The following ZNF655 variants were observed in gnomAD, a reference collection of about 807,000 sequenced individuals.
ZNF655 encodes Vav-interacting Kruppel-like protein 1.
Under a neutral mutation model 6.6 loss-of-function variants are expected in ZNF655, and 3 were observed. The ratio of observed to expected loss-of-function variants is 0.46; its 90% CI spans 0.21 to 1.18. The LOEUF (loss-of-function observed/expected upper bound fraction) is 1.18, where lower values mean the gene tolerates loss of function less well. Among genes scored for constraint, ZNF655 ranks in the 50% most tolerant of loss-of-function variants. ZNF655 has a pLI of 0.24. For synonymous variants in ZNF655, 178 were observed against 195.0 expected (o/e 0.91, Z 0.73); for missense variants, 526 against 572.3 (o/e 0.92, Z 0.83).
chr7:99,560,726 G>A (rs1188065278), intron 2 of ZNF655, 31 bp downstream of exon 2: 1 of 1,609,672 alleles, frequency 6.2e-7, no homozygotes, highest in Non-Finnish European at 8.5e-7. Flanking sequence ...CCGTCTGGGA[G>A]AGTGGGAGTG....
intron 2 of ZNF655, chr7:99,564,542 T>A: frequency 1.0e-6 from 1 of 985,732 alleles, no homozygotes; most frequent in Non-Finnish European, 1.2e-6. Flanking sequence ...TGTTCCTTAC[T>A]CTGTCCTTGA....
At chr7:99,568,640 T>C (rs1056382531) in intron 2 of ZNF655, among the ~76,000 whole-genome samples, 2 of 152,146 alleles carry the variant, frequency 1.3e-5, no homozygotes, top group Admixed American at 1.3e-4. Flanking sequence ...TAATTTTTTG[T>C]AGAGATGGAG....
intron 1 of ZNF655, among the ~76,000 whole-genome samples, 186 bp from the exon 2 acceptor site, chr7:99,560,347 G>A (rs1022511127): frequency 6.6e-6 from 1 of 152,066 alleles, no homozygotes; most frequent in African/African-American, 2.4e-5. Flanking sequence ...GCCTCCCAAA[G>A]TGCTGGGATT....
chr7:99,571,183 T>C, intron 2 of ZNF655: 1 of 1,215,862 alleles, frequency 8.2e-7, no homozygotes, highest in Non-Finnish European at 1.1e-6. Context: ...TGTTTTCTTA[T>C]GTGTACTGAA....
chr7:99,568,775 C>G (rs911523232), intron 2 of ZNF655, among the ~76,000 whole-genome samples: 1 of 150,164 alleles, frequency 6.7e-6, no homozygotes, highest in Non-Finnish European at 1.5e-5. Context: ...CCTCTTGATT[C>G]GTTTGTTGGT....
rs1345505311 is a variant in ZNF655 at position 99,575,560 on chromosome 7, CAAAA to C, written c.*1979_*1982del. 7 of 145,008 alleles carry C rather than the reference CAAAA, an allele frequency of 4.8e-5. No homozygotes were observed. Among genetic ancestry groups the C allele is most frequent in the Non-Finnish European group, 7.5e-5 (5 of 67,008 alleles). The allele number at this position is 145,008 out of a possible 1,614,324, so 9.0% of individuals were successfully genotyped here. A position where few individuals can be genotyped will look rare whatever the true frequency, so the allele number is the denominator to read the frequency against. ...TCAAAAAAACACAAAAAAACAAAAA[CAAAA>C]AACCATACACACACACACACACACA... On this transcript the variant is annotated 3_prime_UTR_variant, in exon 3 of 3. Coordinates refer to ENST00000252713, the MANE Select transcript of ZNF655 (RefSeq NM_138494.3).
chr7:99,559,621 T>C (rs770859855), intron 1 of ZNF655, among the ~76,000 whole-genome samples: 1 of 152,066 alleles, frequency 6.6e-6, no homozygotes, highest in Non-Finnish European at 1.5e-5. Flanking sequence ...GATTGTAAAT[T>C]TTAAATATTT....
chr7:99,562,445 C>T, intron 2 of ZNF655: 1 of 1,614,102 alleles, frequency 6.2e-7, no homozygotes, highest in Non-Finnish European at 8.5e-7. Flanking sequence ...TTCAGAGGGA[C>T]CTCTACAGAG....
rs1804362234 is a variant in ZNF655 at position 99,575,771 on chromosome 7, T to G, written c.*2187T>G. On this transcript the variant is annotated 3_prime_UTR_variant, in exon 3 of 3. Transcript: ENST00000252713. ...CATCAATCCAGGACAGTATTTGAAG[T>G]GTGAGGGCTTTGTGTATAGTTGTTT... 1 of 152,162 alleles carries G rather than the reference T, an allele frequency of 6.6e-6. No individual in the cohort carries two copies. The highest frequency in any genetic ancestry group is 1.5e-5 in the Non-Finnish European group (1 of 68,026). 9.4% of individuals were successfully genotyped at this position (152,162 alleles called of 1,614,324 possible).
intron 2 of ZNF655, among the ~76,000 whole-genome samples, chr7:99,565,515 T>C (rs1334010400): frequency 6.6e-6 from 1 of 152,218 alleles, no homozygotes; most frequent in Non-Finnish European, 1.5e-5. Flanking sequence ...GTCCTTTGCT[T>C]AAGTGCTTCC....
chr7:99,560,505 A>G lies in ZNF655; in HGVS notation c.-27-28A>G, dbSNP rs532571315. On this transcript the variant is annotated intron_variant, in intron 1 of 2. Transcript: ENST00000252713. ...ATGATGAAATGCTTTAACTTATTAC[A>G]GTAATTTCTCTTAATCTTACCTTGC... 2.5e-5 allele frequency: 40 copies of G among 1,584,550 alleles called. No individual in the cohort carries two copies. The African/African-American group carries it at 4.2e-4, about 17-fold the overall frequency.
chr7:99,564,136 C>A (rs977075606), intron 2 of ZNF655: 3 of 1,498,892 alleles, frequency 2.0e-6, no homozygotes, highest in South Asian at 2.8e-5. Flanking sequence ...CTCAAATTAC[C>A]TCTGTTTAAT....
intron 2 of ZNF655, chr7:99,570,828 C>T (rs1201757239): frequency 1.3e-5 from 2 of 152,962 alleles, no homozygotes; most frequent in South Asian, 4.1e-4. Flanking sequence ...CTGGGCTGGA[C>T]ACATTTAAAA....
intron 2 of ZNF655, chr7:99,563,780 G>T: frequency 6.6e-7 from 1 of 1,513,340 alleles, no homozygotes; most frequent in Non-Finnish European, 8.9e-7. Context: ...AGGATTCAAG[G>T]TCTTCTTATT....
Position 99,565,835 on chromosome 7 carries a change from A to C in ZNF655, c.136+5140A>C, listed in dbSNP as rs530505130. 1.9e-3 allele frequency among the ~76,000 whole-genome samples: 284 copies of C among 152,312 alleles called. 1 individual carries two copies. The highest frequency in any genetic ancestry group is 3.4e-3 in the Middle Eastern group (1 of 294). Reference sequence around the variant, plus strand: ...GGTCAGTAGATTGGGAATGTTTGGCACATACTCTCTGCTTTTTTAACTTGA... The same window carrying C: ...GGTCAGTAGATTGGGAATGTTTGGCCCATACTCTCTGCTTTTTTAACTTGA... On this transcript the variant is annotated intron_variant, in intron 2 of 2. Transcript: ENST00000252713.
chr7:99,561,255 G>A (rs1338601201), intron 2 of ZNF655, among the ~76,000 whole-genome samples: 2 of 152,182 alleles, frequency 1.3e-5, no homozygotes, highest in Admixed American at 1.3e-4. Flanking sequence ...GTATCGTATA[G>A]GTAGGTTGGT....
At chr7:99,567,886 C>T (rs1349700748) in intron 2 of ZNF655, among the ~76,000 whole-genome samples, 3 of 151,680 alleles carry the variant, frequency 2.0e-5, no homozygotes, top group Admixed American at 6.6e-5. Flanking sequence ...TGGTGAAACC[C>T]CGTCTCTACT....
chr7:99,572,529 G>A lies in ZNF655; in HGVS notation c.421G>A (p.Asp141Asn). The change falls in exon 3 of 3, where the codon GAC (aspartate) becomes AAC (asparagine). Residue 141 changes from aspartate to asparagine, a missense_variant. By Grantham distance (23) the Asp-to-Asn change is conservative (BLOSUM62 1). Transcript: ENST00000252713. ...TGAACCCGAAAAAAGCTTCAGTCTG[G>A]ACTCTACTATTGATGCAGATCAGAG... ...CHEPEKSFSLDSTIDADQRVL... is the reference protein window; with the variant it reads ...CHEPEKSFSLNSTIDADQRVL... 6.2e-7 allele frequency: 1 copy of A among 1,613,956 alleles called. No homozygotes were observed. Among genetic ancestry groups the A allele is most frequent in the Non-Finnish European group, 8.5e-7 (1 of 1,179,966 alleles).
chr7:99,571,839 ATTGTTG>A, intron 2 of ZNF655: 1 of 1,366,356 alleles, frequency 7.3e-7, no homozygotes, highest in South Asian at 1.3e-5. Context: ...GTAAAGTTCA[ATTGTTG>A]AGCCAAGTTG....
Sources: gnomAD v4.1 joint callset for allele counts (sites outside exome capture counted in the v4.1 genomes callset) on GRCh38, gnomAD v4.1.1 for gene constraint, MANE v1.5 for transcripts, NCBI Gene and HGNC (gene_info 2026-07-23, HGNC 2026-07-21) for gene names.